Variants in IKBIP observed in about 807,000 individuals in gnomAD.
The protein encoded by IKBIP is inhibitor of nuclear factor kappa-B kinase-interacting protein.
IKBIP carries 28 observed loss-of-function variants against 31.0 expected under a neutral mutation model. That is an observed-to-expected ratio of 0.90 (90% confidence interval 0.67 to 1.24). The LOEUF (loss-of-function observed/expected upper bound fraction) is 1.24. Among genes scored for constraint, IKBIP ranks in the 50% most tolerant of loss-of-function variants. IKBIP has a pLI of 0.00. For missense variants in IKBIP, 453 were observed against 441.9 expected, an observed-to-expected ratio of 1.03 and a Z score of -0.23; for synonymous variants, 164 against 160.3, an observed-to-expected ratio of 1.02 and a Z score of -0.17.
chr12:98,618,923 T>C (rs1387776701), intron 2 of IKBIP, among the ~76,000 whole-genome samples: 1 of 152,234 alleles, frequency 6.6e-6, no homozygotes, highest in African/African-American at 2.4e-5. Flanking sequence ...AAAATAATTA[T>C]AATGAAGTAC....
intron 2 of IKBIP, among the ~76,000 whole-genome samples, chr12:98,615,378 G>A (rs2097605700): frequency 6.6e-6 from 1 of 152,034 alleles, no homozygotes; most frequent in Admixed American, 6.6e-5. Context: ...TACCACAGTT[G>A]TGTGCCACCA....
At chr12:98,642,609 T>C (rs2097631539) in intron 1 of IKBIP, among the ~76,000 whole-genome samples, 1 of 149,832 alleles carries the variant, frequency 6.7e-6, no homozygotes, top group Non-Finnish European at 1.5e-5. Context: ...CTTTTTTTTT[T>C]TTTTTTTTTG....
At chr12:98,630,601 T>C (rs918230449) in intron 2 of IKBIP, among the ~76,000 whole-genome samples, 1 of 152,188 alleles carries the variant, frequency 6.6e-6, no homozygotes, top group East Asian at 1.9e-4. Context: ...GGTTTCATTA[T>C]ACACTTCACT....
In IKBIP at chr12:98,624,271, A is replaced by G; in HGVS notation, c.*1659T>C. On this transcript the variant is annotated 3_prime_UTR_variant, in exon 3 of 3. Transcript: ENST00000299157. ...AGCTTACTTTATAATCTATTTTATT[A>G]CCATTAATATAAAAGTAAACAAATA... 1 of 969,940 alleles carries G rather than the reference A, an allele frequency of 1.0e-6. No individual in the cohort carries two copies. The highest frequency in any genetic ancestry group is 4.8e-5 in the South Asian group (1 of 20,968). The allele number at this position is 969,940 out of a possible 1,614,324, so 60.1% of individuals were successfully genotyped here. A position where few individuals can be genotyped will look rare whatever the true frequency, so the allele number is the denominator to read the frequency against.
rs11380575 is a variant in IKBIP, at chr12:98,642,599, C to CTTTTT, written c.179+1919_179+1923dup. Among the ~76,000 whole-genome samples, 15 of 115,276 alleles carry CTTTTT rather than the reference C, an allele frequency of 1.3e-4. 1 individual carries two copies. Among genetic ancestry groups the CTTTTT allele is most frequent in the East Asian group, 2.6e-4 (1 of 3,830 alleles). 75.6% of individuals were successfully genotyped at this position (115,276 alleles called of 152,430 possible). ...TTAGTAAAATAAATAATGCTATCTGCTTTTTTTTTTTTTTTTTTTGAGAAG... is the reference window on the plus strand; with the variant it reads ...TTAGTAAAATAAATAATGCTATCTGCTTTTTTTTTTTTTTTTTTTTTTTTGAGAAG... On this transcript the variant is annotated intron_variant, in intron 1 of 2. Transcript: ENST00000299157.
chr12:98,644,497 G>A (rs545085786), intron 1 of IKBIP, 26 bp downstream of exon 1: 6 of 1,556,510 alleles, frequency 3.9e-6, no homozygotes, highest in East Asian at 2.4e-5. Context: ...CAGGAGGCCG[G>A]CCCAGGCAGC....
intron 2 of IKBIP, among the ~76,000 whole-genome samples, chr12:98,629,190 C>G (rs2097617610): frequency 6.6e-6 from 1 of 152,140 alleles, no homozygotes; most frequent in Non-Finnish European, 1.5e-5. Context: ...CCACCCCAAT[C>G]AAGACTTAAA....
chr12:98,622,669 T>C (rs754810011), downstream of IKBIP, among the ~76,000 whole-genome samples: 16 of 152,094 alleles, frequency 1.1e-4, no homozygotes, highest in Admixed American at 4.6e-4. Context: ...GCATCATTAC[T>C]GTGTAATGGC....
At chr12:98,613,660 T>C (rs1359311568) in exon 3 of IKBIP, 2 of 1,586,634 alleles carry the variant, frequency 1.3e-6, no homozygotes. Flanking sequence ...TTAAATTAGA[T>C]ATTTTTTCAC....
rs760265307 is a variant in IKBIP at position 98,639,791 on chromosome 12, C to T, written c.179+4732G>A. On this transcript the variant is annotated intron_variant, in intron 1 of 2. Transcript: ENST00000299157. ...AATAACCAAAGGAAGCTGTTACGGA[C>T]CTTCTGCAAGGAAAGAAGTTCCAGG... Among the ~76,000 whole-genome samples the T allele has an allele frequency of 1.6e-4, 25 of 152,168 alleles. 1 individual carries two copies. Among genetic ancestry groups the T allele is most frequent in the Admixed American group, 1.0e-3 (16 of 15,276 alleles).
At chr12:98,633,908 T>C (rs997423377) in intron 2 of IKBIP, among the ~76,000 whole-genome samples, 4 of 152,180 alleles carry the variant, frequency 2.6e-5, no homozygotes, top group Non-Finnish European at 5.9e-5. Context: ...ATAAGTGCTA[T>C]TCATATTCTA....
intron 1 of IKBIP, among the ~76,000 whole-genome samples, chr12:98,636,974 T>C (rs541015815): frequency 4.3e-4 from 66 of 152,214 alleles, no homozygotes; most frequent in Non-Finnish European, 8.8e-4. Flanking sequence ...AGTTTTATTA[T>C]CCAATACTCC....
At chr12:98,632,216 A>G (rs1398796178) in intron 2 of IKBIP, among the ~76,000 whole-genome samples, 4 of 151,844 alleles carry the variant, frequency 2.6e-5, no homozygotes, top group Non-Finnish European at 5.9e-5. Flanking sequence ...CACTTGTAAT[A>G]TCAATTCTTT....
At chr12:98,619,457 T>C (rs73374713), downstream of IKBIP, among the ~76,000 whole-genome samples, 3,255 of 152,338 alleles carry the variant, frequency 0.021, 116 homozygotes, top group African/African-American at 0.075. Context: ...TAGCAATGTA[T>C]CATGAACTTC....
Position 98,626,218 on chromosome 12 carries a change from A to G in IKBIP, c.846T>C (p.Ser282=). Residue 282 remains serine, a synonymous_variant, in exon 3 of 3, where the codon TCT becomes TCC. Transcript: ENST00000299157. ...TCAGATCCTGAGAGACTCTGAGAACAGAGTGAATAGCACTTTCAATTGTTG... is the reference window on the plus strand; with the variant it reads ...TCAGATCCTGAGAGACTCTGAGAACGGAGTGAATAGCACTTTCAATTGTTG... ...HLPTIESAIH[S]VLRVSQDLIE... is the part of the protein sequence containing the mutation. The G allele has an allele frequency of 1.2e-6, 2 of 1,614,174 alleles. No homozygotes were observed. Among genetic ancestry groups the G allele is most frequent in the Non-Finnish European group, 1.7e-6 (2 of 1,180,018 alleles).
chr12:98,627,505 C>A (rs1298806469), intron 2 of IKBIP, among the ~76,000 whole-genome samples: 3 of 145,586 alleles, frequency 2.1e-5, no homozygotes, highest in Non-Finnish European at 4.5e-5. Flanking sequence ...GTGGCGTGAT[C>A]TCGGCTCACT....
At position 98,613,682 on chromosome 12, in the gene IKBIP, AT is replaced by A; in HGVS notation, c.955del (p.Ile319LeufsTer4). ...AGATATTTTTTCACTTAAGAAAGCA[AT>A]TTCTTTCTCTCTTTGTAGTAAGTCG... On this transcript the variant is annotated frameshift_variant, in exon 3 of 3. Transcript: ENST00000342502. LOFTEE classifies it high-confidence loss of function. The A allele has an allele frequency of 6.2e-7, 1 of 1,603,936 alleles. No individual in the cohort carries two copies. Among genetic ancestry groups the A allele is most frequent in the Non-Finnish European group, 8.5e-7 (1 of 1,173,958 alleles).
intron 1 of IKBIP, among the ~76,000 whole-genome samples, chr12:98,642,306 G>A (rs1389699592): frequency 6.6e-6 from 1 of 152,036 alleles, no homozygotes; most frequent in Admixed American, 6.6e-5. Flanking sequence ...GATTACACCA[G>A]GCCCAGCTAA....
chr12:98,628,906 A>G (rs1565841068), intron 2 of IKBIP, among the ~76,000 whole-genome samples: 2 of 152,202 alleles, frequency 1.3e-5, no homozygotes, highest in Non-Finnish European at 2.9e-5. Flanking sequence ...ACAGTAGATT[A>G]TAAGTAGCGT....
Sources: gnomAD v4.1 joint callset for allele counts (sites outside exome capture counted in the v4.1 genomes callset) on GRCh38, gnomAD v4.1.1 for gene constraint, MANE v1.5 for transcripts, NCBI Gene and HGNC (gene_info 2026-07-23, HGNC 2026-07-21) for gene names.